TENM3: variants seen among roughly 807,000 people sequenced by gnomAD.
TENM3 encodes the protein teneurin-3.
TENM3 carries 63 observed loss-of-function variants against 255.1 expected under a neutral mutation model. The ratio of observed to expected loss-of-function variants is 0.25; its 90% CI spans 0.20 to 0.30. The LOEUF (loss-of-function observed/expected upper bound fraction) is 0.30, where lower values mean the gene tolerates loss of function less well. Among genes scored for constraint, TENM3 ranks in the 10% least tolerant of loss-of-function variants. The pLI, the probability that TENM3 is intolerant of heterozygous loss-of-function variation, is 1.00. For missense variants in TENM3, 2,929 were observed against 3,461.1 expected (o/e 0.85, Z 3.86); for synonymous variants, 1,306 against 1,322.3 (o/e 0.99, Z 0.27).
the TENM3 span, among the ~76,000 whole-genome samples, chr4:181,908,579 G>T: frequency 6.6e-6 from 1 of 152,140 alleles, no homozygotes; most frequent in South Asian, 2.1e-4. Context: ...TGACATTTTA[G>T]ACTATTCTGA....
the TENM3 span, among the ~76,000 whole-genome samples, chr4:181,605,574 G>T: frequency 0.014 from 317 of 22,026 alleles, 64 homozygotes; most frequent in Middle Eastern, 0.028. Context: ...AAGAAAGAGA[G>T]AGAAAGAAAG....
At chr4:181,570,581 GAAAA>G in the TENM3 span, among the ~76,000 whole-genome samples, 937 of 149,558 alleles carry the variant, frequency 6.3e-3, 9 homozygotes, top group African/African-American at 0.021. Flanking sequence ...GGAAAAGAGA[GAAAA>G]AGAAAGAAAA....
chr4:182,245,878 G>C (rs1254929946), intron 1 of TENM3, among the ~76,000 whole-genome samples: 1 of 152,170 alleles, frequency 6.6e-6, no homozygotes, highest in Non-Finnish European at 1.5e-5. Flanking sequence ...ACAGATTTGT[G>C]TTAGTTAATA....
chr4:181,805,582 G>A, the TENM3 span, among the ~76,000 whole-genome samples: 1 of 135,186 alleles, frequency 7.4e-6, no homozygotes, highest in Non-Finnish European at 1.6e-5. Context: ...AAAAACAAAC[G>A]CCGTGTGTGC....
chr4:181,921,967 C>A, the TENM3 span, among the ~76,000 whole-genome samples: 1 of 152,110 alleles, frequency 6.6e-6, no homozygotes, highest in African/African-American at 2.4e-5. Context: ...TTGTCAAAGG[C>A]CTTTTCTGCA....
At chr4:182,679,993 A>G (rs1756013894) in intron 8 of TENM3, 117 bp downstream of exon 8, 1 of 882,968 alleles carries the variant, frequency 1.1e-6, no homozygotes, top group African/African-American at 1.7e-5. Flanking sequence ...AGCCCAGGTA[A>G]AATGTGAGAA....
the TENM3 span, among the ~76,000 whole-genome samples, chr4:182,091,474 G>A: frequency 2.6e-5 from 4 of 152,270 alleles, no homozygotes; most frequent in Admixed American, 2.0e-4. Context: ...CTGAGGCCAG[G>A]CGAACTAAAG....
At chr4:182,749,498 C>T (rs1359354021) in intron 19 of TENM3, among the ~76,000 whole-genome samples, 1 of 152,148 alleles carries the variant, frequency 6.6e-6, no homozygotes, top group East Asian at 1.9e-4. Flanking sequence ...AGGACAAAAG[C>T]GAGTATAAGG....
At chr4:182,774,811 C>T (rs1764543452) in intron 23 of TENM3, 107 bp from the exon 24 acceptor site, 3 of 731,154 alleles carry the variant, frequency 4.1e-6, no homozygotes, top group Non-Finnish European at 4.6e-6. Flanking sequence ...TCAGGTACTC[C>T]TTATTCCTAG....
At chr4:181,974,907 C>T in the TENM3 span, among the ~76,000 whole-genome samples, 13 of 152,112 alleles carry the variant, frequency 8.5e-5, no homozygotes, top group East Asian at 1.2e-3. Context: ...ACATTGTAAC[C>T]GATAGGTAAT....
the TENM3 span, among the ~76,000 whole-genome samples, chr4:181,781,618 C>T: frequency 9.9e-5 from 15 of 152,120 alleles, no homozygotes; most frequent in Admixed American, 8.5e-4. Context: ...ATTTCTTTCT[C>T]GTGTCTGATT....
In TENM3 at chr4:182,564,247, TC is replaced by T. The variant is rs550716161; in HGVS notation, c.512-36676del. Among the ~76,000 whole-genome samples, 217 of 152,138 alleles carry T rather than the reference TC, an allele frequency of 1.4e-3. 3 individuals are homozygous for T. Among genetic ancestry groups the T allele is most frequent in the African/African-American group, 4.9e-3 (203 of 41,486 alleles). On this transcript the variant is annotated intron_variant, in intron 3 of 27. Coordinates refer to ENST00000511685, the MANE Select transcript of TENM3 (RefSeq NM_001080477.4). ...CCTTCTTTTGGCTCTACTGAATGCT[TC>T]TCTTTAACTTCCACACAAAATGAAT...
chr4:181,477,377 A>G, the TENM3 span, among the ~76,000 whole-genome samples: 50 of 152,228 alleles, frequency 3.3e-4, no homozygotes, highest in African/African-American at 1.1e-3. Flanking sequence ...TTACTGCCAT[A>G]TATACTCAGA....
the TENM3 span, among the ~76,000 whole-genome samples, chr4:181,944,281 G>T: frequency 6.6e-6 from 1 of 151,752 alleles, no homozygotes; most frequent in Non-Finnish European, 1.5e-5. Context: ...GTCTTGGGGG[G>T]GTCCCAAGTC....
chr4:182,572,379 A>G (rs989516674), intron 3 of TENM3, among the ~76,000 whole-genome samples: 1 of 152,212 alleles, frequency 6.6e-6, no homozygotes, highest in African/African-American at 2.4e-5. Context: ...TTAAGTAGCC[A>G]TCAGTCTGGA....
intron 1 of TENM3, among the ~76,000 whole-genome samples, chr4:182,299,775 G>A (rs1042322553): frequency 1.6e-5 from 2 of 128,514 alleles, no homozygotes; most frequent in African/African-American, 2.5e-5. Flanking sequence ...GCCAAGGACG[G>A]GGGGAGGGAG....
the TENM3 span, among the ~76,000 whole-genome samples, chr4:181,863,262 T>A: frequency 6.6e-6 from 1 of 152,198 alleles, no homozygotes; most frequent in Non-Finnish European, 1.5e-5. Context: ...CCAACATTCA[T>A]ACTTCTTCAA....
chr4:182,795,364 G>A (rs182028868), intron 26 of TENM3, among the ~76,000 whole-genome samples: 1 of 152,048 alleles, frequency 6.6e-6, no homozygotes. Context: ...TCCAACATTT[G>A]GGAGAATTTT....
chr4:182,583,879 C>T (rs1275309203), intron 3 of TENM3, among the ~76,000 whole-genome samples: 1 of 152,110 alleles, frequency 6.6e-6, no homozygotes, highest in Non-Finnish European at 1.5e-5. Context: ...GCTTTGTGAG[C>T]TATGTGTCTT....
Sources: allele counts gnomAD v4.1 joint callset (sites outside exome capture counted in the v4.1 genomes callset), GRCh38; gene constraint gnomAD v4.1.1; transcripts MANE v1.5; gene names NCBI Gene and HGNC (gene_info 2026-07-23, HGNC 2026-07-21).